The following L3MBTL4 variants were observed in gnomAD, a reference collection of about 807,000 sequenced individuals.
L3MBTL4 encodes lethal(3)malignant brain tumor-like protein 4.
A neutral mutation model predicts 84.5 loss-of-function variants in L3MBTL4; 70 were observed. The observed-to-expected ratio is 0.83, with a 90% CI of 0.68 to 1.01. The LOEUF (loss-of-function observed/expected upper bound fraction) is 1.01, where lower values mean the gene tolerates loss of function less well. L3MBTL4 is among the 50% of genes least tolerant of loss of function. The pLI, the probability that L3MBTL4 is intolerant of heterozygous loss-of-function variation, is 0.00. For missense variants in L3MBTL4, 715 were observed against 754.8 expected (o/e 0.95, Z 0.62); for synonymous variants, 274 against 259.8 (o/e 1.05, Z -0.52).
At chr18:5,976,385 A>T (rs972447643) in intron 16 of L3MBTL4, among the ~76,000 whole-genome samples, 1 of 152,224 alleles carries the variant, frequency 6.6e-6, no homozygotes, top group African/African-American at 2.4e-5. Context: ...AGTAGCCAGC[A>T]TTCTGCTTCT....
chr18:6,306,545 A>G (rs1472911409), intron 3 of L3MBTL4, among the ~76,000 whole-genome samples: 1 of 152,198 alleles, frequency 6.6e-6, no homozygotes, highest in East Asian at 1.9e-4. Flanking sequence ...ACTCACCCCA[A>G]ACATTTTCTC....
intron 14 of L3MBTL4, among the ~76,000 whole-genome samples, chr18:6,129,689 G>A (rs935797769): frequency 2.0e-5 from 3 of 152,004 alleles, no homozygotes; most frequent in East Asian, 1.9e-4. Context: ...AGTTATAAAC[G>A]TTTTTGCATT....
intron 16 of L3MBTL4, chr18:6,032,368 G>A (rs886853689): frequency 1.4e-5 from 12 of 887,850 alleles, no homozygotes; most frequent in African/African-American, 3.8e-5. Flanking sequence ...TGGAATCTGC[G>A]TTTTCATGAA....
chr18:6,083,000 T>C (rs963340210), intron 15 of L3MBTL4, among the ~76,000 whole-genome samples: 1 of 152,170 alleles, frequency 6.6e-6, no homozygotes, highest in African/African-American at 2.4e-5. Context: ...GTTTTACACA[T>C]TGAGAGACTG....
At chr18:6,136,410 T>C (rs1373897842) in intron 14 of L3MBTL4, among the ~76,000 whole-genome samples, 1 of 152,126 alleles carries the variant, frequency 6.6e-6, no homozygotes, top group Non-Finnish European at 1.5e-5. Flanking sequence ...CTTTCCACAC[T>C]AAAGTAACAA....
intron 16 of L3MBTL4, chr18:6,017,580 G>A (rs972285510): frequency 3.9e-5 from 6 of 152,224 alleles, no homozygotes; most frequent in Non-Finnish European, 5.9e-5. Flanking sequence ...TGCCCTTGAC[G>A]ACTGCCCGTT....
At chr18:5,985,861 A>C (rs1253895602) in intron 16 of L3MBTL4, among the ~76,000 whole-genome samples, 1 of 152,188 alleles carries the variant, frequency 6.6e-6, no homozygotes, top group African/African-American at 2.4e-5. Flanking sequence ...ATGATGCTAC[A>C]AATGGACCAG....
intron 16 of L3MBTL4, among the ~76,000 whole-genome samples, chr18:6,073,147 G>T (rs1370556488): frequency 6.6e-6 from 1 of 150,824 alleles, no homozygotes; most frequent in Non-Finnish European, 1.5e-5. Flanking sequence ...AATTGAAACA[G>T]ACAGAGGCAA....
intron 5 of L3MBTL4, among the ~76,000 whole-genome samples, chr18:6,263,262 C>T (rs575595423): frequency 2.5e-3 from 357 of 145,440 alleles, no homozygotes; most frequent in African/African-American, 8.4e-3. Flanking sequence ...AGCCAGACTC[C>T]GTCTCACAAA....
chr18:6,352,584 C>G (rs960823351), intron 1 of L3MBTL4, among the ~76,000 whole-genome samples: 5 of 152,182 alleles, frequency 3.3e-5, no homozygotes, highest in Non-Finnish European at 1.5e-5. Flanking sequence ...TACTTAACAT[C>G]TAGATCATTC....
At chr18:6,209,663 G>T (rs764994629) in intron 12 of L3MBTL4, among the ~76,000 whole-genome samples, 3 of 152,050 alleles carry the variant, frequency 2.0e-5, no homozygotes, top group Non-Finnish European at 2.9e-5. Flanking sequence ...CAAAAGAAAT[G>T]AAAACATACG....
intron 4 of L3MBTL4, among the ~76,000 whole-genome samples, chr18:6,281,258 G>T (rs2049308139): frequency 6.6e-6 from 1 of 152,210 alleles, no homozygotes; most frequent in East Asian, 1.9e-4. Context: ...TTTGAACTCA[G>T]GTTCACTGTA....
chr18:6,110,707 T>C (rs1208286980), intron 14 of L3MBTL4, among the ~76,000 whole-genome samples: 1 of 151,984 alleles, frequency 6.6e-6, no homozygotes, highest in African/African-American at 2.4e-5. Context: ...TGTGTGCATG[T>C]GGGTGTACAC....
intron 12 of L3MBTL4, among the ~76,000 whole-genome samples, chr18:6,185,452 G>A (rs1335400623): frequency 6.6e-6 from 1 of 152,156 alleles, no homozygotes; most frequent in Non-Finnish European, 1.5e-5. Flanking sequence ...GGCTGGGGAA[G>A]GCATGCTCAG....
At chr18:6,285,167 G>C (rs2049512861) in intron 4 of L3MBTL4, among the ~76,000 whole-genome samples, 1 of 152,238 alleles carries the variant, frequency 6.6e-6, no homozygotes. Context: ...AAAGGAGCTT[G>C]AAGATGACAT....
intron 13 of L3MBTL4, among the ~76,000 whole-genome samples, chr18:6,168,132 C>G (rs892948113): frequency 2.0e-5 from 3 of 151,938 alleles, no homozygotes; most frequent in Non-Finnish European, 4.4e-5. Flanking sequence ...ATGTGAAGGA[C>G]CTCTTCAAGG....
At chr18:6,159,743 T>C (rs981796940) in intron 13 of L3MBTL4, among the ~76,000 whole-genome samples, 1 of 151,886 alleles carries the variant, frequency 6.6e-6, no homozygotes, top group African/African-American at 2.4e-5. Flanking sequence ...TTTTTGTCAT[T>C]TCATAACAAA....
chr18:6,017,787 A>G (rs1280449134), intron 16 of L3MBTL4: 1 of 152,212 alleles, frequency 6.6e-6, no homozygotes, highest in African/African-American at 2.4e-5. Context: ...TCTCCATGGG[A>G]ATCTTTAGTA....
At chr18:6,097,877 C>A (rs1233261426) in intron 14 of L3MBTL4, among the ~76,000 whole-genome samples, 1 of 152,144 alleles carries the variant, frequency 6.6e-6, no homozygotes, top group African/African-American at 2.4e-5. Context: ...CTGCCTCTTA[C>A]TCTTAAACCT....
Sources: allele counts gnomAD v4.1 joint callset (sites outside exome capture counted in the v4.1 genomes callset), GRCh38; gene constraint gnomAD v4.1.1; transcripts MANE v1.5; gene names NCBI Gene and HGNC (gene_info 2026-07-23, HGNC 2026-07-21).